DACH2: variants seen among roughly 807,000 people sequenced by gnomAD.
The protein encoded by DACH2 is dachshund family transcription factor 2, also known as dachshund homolog 2.
In DACH2, 17 loss-of-function variants were observed where a neutral mutation model predicts 35.8. The observed-to-expected ratio is 0.48, with a 90% CI of 0.33 to 0.71. The LOEUF (loss-of-function observed/expected upper bound fraction) is 0.71, where lower values mean the gene tolerates loss of function less well. DACH2 is among the 30% of genes least tolerant of loss of function. DACH2 has a pLI of 0.02. For synonymous variants in DACH2, 195 were observed against 177.3 expected (o/e 1.10, Z -0.79); for missense variants, 469 against 472.7 (o/e 0.99, Z 0.07).
At chrX:86,184,212 ATT>A (rs34655546) in intron 1 of DACH2, 1,787 of 160,004 alleles carry the variant, frequency 0.011, 36 homozygotes, top group African/African-American at 0.05. Context: ...TAGTCTTCTG[ATT>A]TTTTTTTTTT....
intron 11 of DACH2, among the ~76,000 whole-genome samples, chrX:86,823,892 T>G (rs2042537585): frequency 9.0e-6 from 1 of 111,163 alleles, no homozygotes; most frequent in Non-Finnish European, 1.9e-5. Context: ...AGAACAAAGA[T>G]CACATGCTTC....
intron 4 of DACH2, among the ~76,000 whole-genome samples, chrX:86,687,587 G>A (rs1458033242): frequency 9.0e-6 from 1 of 111,457 alleles, no homozygotes; most frequent in East Asian, 2.8e-4. Context: ...AAAGACACAT[G>A]CAAACGTATG....
intron 1 of DACH2, among the ~76,000 whole-genome samples, chrX:86,150,672 A>G (rs761673097): frequency 8.9e-6 from 1 of 111,979 alleles, no homozygotes; most frequent in South Asian, 3.8e-4. Flanking sequence ...CTGAAAACAC[A>G]AAGGATAACA....
chrX:86,161,379 G>T, intron 1 of DACH2: 1 of 937,442 alleles, frequency 1.1e-6, no homozygotes, highest in Non-Finnish European at 1.4e-6. Context: ...AGTCATTACA[G>T]GTGTTAGCAG....
chrX:86,332,413 A>G (rs2035230114), intron 1 of DACH2, among the ~76,000 whole-genome samples: 2 of 111,719 alleles, frequency 1.8e-5, no homozygotes, highest in African/African-American at 6.5e-5. Flanking sequence ...ATCAAAAAGT[A>G]CTTTAATCCC....
At chrX:86,241,985 A>G (rs1402464336) in intron 1 of DACH2, among the ~76,000 whole-genome samples, 1 of 112,751 alleles carries the variant, frequency 8.9e-6, no homozygotes, top group Non-Finnish European at 1.9e-5. Context: ...AAACATCTGG[A>G]TGTCCAGGCA....
intron 1 of DACH2, among the ~76,000 whole-genome samples, chrX:86,365,974 AC>A (rs2035801128): frequency 9.0e-6 from 1 of 111,627 alleles, no homozygotes; most frequent in African/African-American, 3.3e-5. Context: ...AAGTTATTTG[AC>A]CCGATTTTAT....
At chrX:86,799,127 G>T (rs1376653321) in intron 7 of DACH2, 1 of 327,007 alleles carries the variant, frequency 3.1e-6, no homozygotes, top group Non-Finnish European at 5.9e-6. Context: ...TTCACTGGGG[G>T]TGCAGCAGTT....
At chrX:86,196,692 CAAAAAAAAAAA>C (rs56268300) in intron 1 of DACH2, among the ~76,000 whole-genome samples, 5 of 27,369 alleles carry the variant, frequency 1.8e-4, no homozygotes, top group Non-Finnish European at 2.2e-4. Context: ...GACTCCATCT[CAAAAAAAAAAA>C]AAAAAAAAAA....
At position 86,807,288 on chromosome X, in the gene DACH2, C is replaced by A. The variant is rs188476296; in HGVS notation, c.1241-5568C>A. 6.7e-4 allele frequency among the ~76,000 whole-genome samples: 75 copies of A among 112,032 alleles called. No individual in the cohort carries two copies. In the East Asian group the frequency reaches 0.02, roughly 30 times the overall value. ...TTTCAACTACCATTTATTTAATAAA[C>A]ATTTATATTGCATTTACTTTGGATC... On this transcript the variant is annotated intron_variant, in intron 7 of 11. Transcript: ENST00000373125.
At chrX:86,415,904 T>A (rs1002931485) in intron 2 of DACH2, among the ~76,000 whole-genome samples, 1 of 111,909 alleles carries the variant, frequency 8.9e-6, no homozygotes, top group Non-Finnish European at 1.9e-5. Flanking sequence ...ACTGCCTCTA[T>A]AATCCACTAG....
At chrX:86,661,186 A>G (rs1405983293) in intron 4 of DACH2, among the ~76,000 whole-genome samples, 1 of 112,224 alleles carries the variant, frequency 8.9e-6, no homozygotes, top group Non-Finnish European at 1.9e-5. Context: ...ACTCTTTTGA[A>G]GTGTACAGTT....
intron 2 of DACH2, among the ~76,000 whole-genome samples, chrX:86,411,233 A>C (rs1299916274): frequency 9.4e-6 from 1 of 105,882 alleles, no homozygotes; most frequent in African/African-American, 3.4e-5. Flanking sequence ...GGCTAGGCCA[A>C]TCTCTTGTTT....
At chrX:86,750,677 G>A (rs181640127) in intron 7 of DACH2, among the ~76,000 whole-genome samples, 1 of 111,842 alleles carries the variant, frequency 8.9e-6, no homozygotes, top group Admixed American at 9.6e-5. Context: ...AATATATGTG[G>A]AATCATGCAG....
intron 1 of DACH2, among the ~76,000 whole-genome samples, chrX:86,270,493 G>C (rs2033796876): frequency 2.7e-5 from 3 of 111,399 alleles, no homozygotes; most frequent in Admixed American, 1.9e-4. Flanking sequence ...CGAGTCAAGT[G>C]TAGTATTTCA....
rs370339313 is a variant in DACH2 at position 86,220,033 on chromosome X, G to A, written c.488+70925G>A. Among the ~76,000 whole-genome samples, 269 of 103,321 alleles carry A rather than the reference G, an allele frequency of 2.6e-3. 1 individual carries two copies. Among genetic ancestry groups the A allele is most frequent in the African/African-American group, 9.2e-3 (261 of 28,256 alleles). 89.7% of individuals were successfully genotyped at this position (103,321 alleles called of 115,157 possible). On this transcript the variant is annotated intron_variant, in intron 1 of 11. Transcript: ENST00000373125. ...AAAAAAAAAAAGGCCGGGCGTGGTG[G>A]TGCATGCCTGTAGTTCCAGCTACTC...
At chrX:86,187,965 T>C (rs1267492137) in intron 1 of DACH2, among the ~76,000 whole-genome samples, 2 of 112,178 alleles carry the variant, frequency 1.8e-5, no homozygotes, top group African/African-American at 6.5e-5. Flanking sequence ...TTATAATAGT[T>C]TGTAGAGAAC....
At chrX:86,654,199 A>AAC (rs1230002624) in intron 4 of DACH2, among the ~76,000 whole-genome samples, 4 of 106,397 alleles carry the variant, frequency 3.8e-5, no homozygotes, top group African/African-American at 1.4e-4. Flanking sequence ...AAAAAAAAAA[A>AAC]AAAAAAAAAA....
intron 3 of DACH2, among the ~76,000 whole-genome samples, chrX:86,579,334 C>T (rs1206548108): frequency 9.0e-6 from 1 of 111,258 alleles, no homozygotes; most frequent in Non-Finnish European, 1.9e-5. Flanking sequence ...CTCAAGTGAT[C>T]TACCTACTTC....
Sources: allele counts gnomAD v4.1 joint callset (sites outside exome capture counted in the v4.1 genomes callset), GRCh38; gene constraint gnomAD v4.1.1; transcripts MANE v1.5; gene names NCBI Gene and HGNC (gene_info 2026-07-23, HGNC 2026-07-21).